Variants in PLEKHA4 observed in about 807,000 individuals in gnomAD.
The protein encoded by PLEKHA4 is pleckstrin homology domain containing A4.
In PLEKHA4, 73 loss-of-function variants were observed where a neutral mutation model predicts 94.7. The observed-to-expected ratio is 0.77, with a 90% CI of 0.64 to 0.94. The LOEUF (loss-of-function observed/expected upper bound fraction) is 0.94. Among genes scored for constraint, PLEKHA4 ranks in the 40% least tolerant of loss-of-function variants. The probability of loss-of-function intolerance (pLI) is 0.00; values close to 1 mark genes in which losing one functional copy is unlikely to be tolerated. For missense variants in PLEKHA4, 1,049 were observed against 1,054.1 expected (o/e 1.00, Z 0.07); for synonymous variants, 449 against 437.1 (o/e 1.03, Z -0.34).
chr19:48,861,760 G>C (rs1046691140), intron 3 of PLEKHA4, 68 bp from the exon 4 acceptor site: 24 of 1,355,866 alleles, frequency 1.8e-5, no homozygotes, highest in Non-Finnish European at 2.2e-5. Flanking sequence ...AGGCAGTGAC[G>C]ATGGGGACAG....
intron 2 of PLEKHA4, among the ~76,000 whole-genome samples, chr19:48,866,107 A>C (rs1438370923): frequency 6.6e-6 from 1 of 151,500 alleles, no homozygotes; most frequent in African/African-American, 2.4e-5. Flanking sequence ...CAGAGTTAAG[A>C]GACTCTTTTT....
chr19:48,856,033 G>A lies in PLEKHA4; in HGVS notation c.1047+1389C>T, dbSNP rs1263234081. 2.6e-5 allele frequency among the ~76,000 whole-genome samples: 4 copies of A among 151,556 alleles called. No individual in the cohort carries two copies. In the South Asian group the frequency reaches 6.2e-4, roughly 24 times the overall value. On this transcript the variant is annotated intron_variant, in intron 9 of 19. Transcript: ENST00000263265. ...ACTAAAAATACAAAATTAGCAGGGC[G>A]TGGTGGTGGGTGCCTGTAATCCCAG...
intron 14 of PLEKHA4, among the ~76,000 whole-genome samples, chr19:48,846,179 C>T (rs920237611): frequency 2.6e-5 from 4 of 151,754 alleles, no homozygotes; most frequent in East Asian, 1.9e-4. Context: ...TAAGGCTGGG[C>T]GCGGTGGCTC....
At chr19:48,841,098 A>G in intron 17 of PLEKHA4, 51 bp downstream of exon 17, 1 of 1,536,242 alleles carries the variant, frequency 6.5e-7, no homozygotes, top group South Asian at 1.2e-5. Flanking sequence ...AAAGTAGGCG[A>G]AGAGGACCTA....
intron 13 of PLEKHA4, among the ~76,000 whole-genome samples, chr19:48,849,491 T>G (rs1568541372): frequency 6.6e-6 from 1 of 152,020 alleles, no homozygotes; most frequent in African/African-American, 2.4e-5. Context: ...CTATTTTTAG[T>G]AGAGACAGGG....
rs139046967 is a variant in PLEKHA4 at position 48,839,257 on chromosome 19, C to T, written c.1912G>A (p.Val638Ile). The T allele has an allele frequency of 5.1e-4, 809 of 1,584,912 alleles. 1 individual carries two copies. The highest frequency in any genetic ancestry group is 1.3e-3 in the Admixed American group (75 of 58,088). Residue 638 changes from valine (V) to isoleucine (I), a missense_variant, in exon 18 of 20, where the codon GTA becomes ATA. By Grantham distance (29) the Val-to-Ile change is conservative. Coordinates refer to ENST00000263265, the MANE Select transcript of PLEKHA4 (RefSeq NM_020904.3). ...RQPDVEQRPV[V>I]GHSGAQKWLR... ...CATTTCTGGGCTCCCGAGTGTCCTA[C>T]GACAGGCTGGAAAGGAATTGGGGCA...
chr19:48,853,541 A>T (rs1278911655), intron 12 of PLEKHA4, 141 bp downstream of exon 12: 2 of 867,320 alleles, frequency 2.3e-6, no homozygotes, highest in Non-Finnish European at 3.2e-6. Context: ...GACAATGAGG[A>T]GAGAGAAAAA....
rs1568545844 is a variant in PLEKHA4, at chr19:48,854,282, A to T, written c.1048-18T>A. ...GGACCCGGCTGAAGAGAAGGAAAAA[A>T]GTCAGGGGTCAAAGGGGACAGGCTG... On this transcript the variant is annotated intron_variant, in intron 9 of 19. Coordinates refer to ENST00000263265, the MANE Select transcript of PLEKHA4 (RefSeq NM_020904.3). 1 of 1,612,886 alleles carries T rather than the reference A, an allele frequency of 6.2e-7. No individual in the cohort carries two copies. Among genetic ancestry groups the T allele is most frequent in the Non-Finnish European group, 8.5e-7 (1 of 1,178,828 alleles).
intron 13 of PLEKHA4, 53 bp downstream of exon 13, chr19:48,852,175 A>G: frequency 7.2e-7 from 1 of 1,386,448 alleles, no homozygotes. Flanking sequence ...AAGGATTTCC[A>G]GGCAGAACTT....
intron 5 of PLEKHA4, among the ~76,000 whole-genome samples, chr19:48,861,156 C>G (rs899899241): frequency 1.3e-5 from 2 of 151,004 alleles, no homozygotes; most frequent in African/African-American, 4.9e-5. Flanking sequence ...TGCAGTGAGC[C>G]GAGATCGCAC....
Position 48,845,572 on chromosome 19 carries a change from C to A in PLEKHA4, c.1611G>T (p.Glu537Asp). The A allele has an allele frequency of 6.2e-7, 1 of 1,610,242 alleles. No homozygotes were observed. The highest frequency in any genetic ancestry group is 8.5e-7 in the Non-Finnish European group (1 of 1,177,752). Residue 537 changes from glutamate (E) to aspartate (D), a missense_variant, in exon 15 of 20, where the codon GAG becomes GAT. Physicochemically the swap from Glu to Asp is conservative, Grantham distance 45. Coordinates refer to ENST00000263265, the MANE Select transcript of PLEKHA4 (RefSeq NM_020904.3). Reference protein sequence around the residue: ...SLELSSPRSPETDWGRPPGGD... With the variant: ...SLELSSPRSPDTDWGRPPGGD... The stretch of plus-strand genomic sequence containing the variant: ...CTCCAGGAGGCCGCCCCCAGTCAGT[C>A]TCGGGGGACCTAGGGGAGCTCAGTT...
Position 48,858,875 on chromosome 19 carries a change from C to T in PLEKHA4, c.957G>A (p.Gln319=). The T allele has an allele frequency of 1.2e-6, 2 of 1,612,708 alleles. No homozygotes were observed. The highest frequency in any genetic ancestry group is 1.7e-6 in the Non-Finnish European group (2 of 1,179,580). ...KPPRSPQHWS[Q]EPRTQAHSGS... is the part of the protein sequence containing the mutation. The stretch of plus-strand genomic sequence containing the variant: ...CTCTGCTCACCTGTGTTCTGGGCTC[C>T]TGACTCCAGTGCTGGGGACTCCTGG... Residue 319 remains glutamine, a synonymous_variant, in exon 8 of 20, where the codon CAG becomes CAA. Transcript: ENST00000263265.
Position 48,837,292 on chromosome 19 carries a change from G to A in PLEKHA4, c.2337C>T (p.Phe779=). 1.2e-6 allele frequency: 2 copies of A among 1,614,016 alleles called. No homozygotes were observed. The highest frequency in any genetic ancestry group is 1.7e-6 in the Non-Finnish European group (2 of 1,180,034). The change falls in exon 20 of 20, where the codon TTC becomes TTT. Residue 779 remains phenylalanine, a synonymous_variant. Transcript: ENST00000263265. This position sits in a 1 kb window ranked among gnomAD's most constrained non-coding sequence, Gnocchi z 4.3. The part of the protein sequence containing the change: ...PLRVTLLQSS[F] ...TTGGCTGCCGCTTTTGGGCGGATTA[G>A]AAGCTGGATTGTAGCAGAGTGACTC...
chr19:48,851,578 T>C (rs767494675), intron 13 of PLEKHA4, among the ~76,000 whole-genome samples: 2 of 151,726 alleles, frequency 1.3e-5, no homozygotes, highest in Non-Finnish European at 2.9e-5. Context: ...ATCGTGCCAT[T>C]GCACTCCAGC....
intron 5 of PLEKHA4, 111 bp downstream of exon 5, chr19:48,861,290 G>C: frequency 1.1e-6 from 1 of 899,018 alleles, no homozygotes; most frequent in Non-Finnish European, 1.9e-6. Context: ...TTTATCTCCA[G>C]TAATGGATAT....
At chr19:48,843,632 C>T (rs542328984) in intron 16 of PLEKHA4, among the ~76,000 whole-genome samples, 3 of 152,022 alleles carry the variant, frequency 2.0e-5, no homozygotes, top group Admixed American at 6.6e-5. Context: ...AGGTGGGCAC[C>T]ACCACGCACA....
chr19:48,848,091 G>T (rs1401266512), intron 13 of PLEKHA4, 51 bp from the exon 14 acceptor site: 1 of 1,581,596 alleles, frequency 6.3e-7, no homozygotes, highest in East Asian at 2.2e-5. Flanking sequence ...ACGCAGGAGG[G>T]TTTCAGCTAA....
At chr19:48,854,357 T>A (rs2036322917) in intron 9 of PLEKHA4, 93 bp from the exon 10 acceptor site, 2 of 1,044,392 alleles carry the variant, frequency 1.9e-6, no homozygotes, top group Non-Finnish European at 3.0e-6. Flanking sequence ...TACTGATAGG[T>A]ACTGCACTAT....
intron 16 of PLEKHA4, chr19:48,844,527 A>G: frequency 2.0e-6 from 2 of 985,362 alleles, no homozygotes; most frequent in Non-Finnish European, 2.4e-6. Flanking sequence ...AAAGCCAGCC[A>G]ATCAGTGATG....
Sources: gnomAD v4.1 joint callset for allele counts (sites outside exome capture counted in the v4.1 genomes callset) on GRCh38, gnomAD v4.1.1 for gene constraint, Gnocchi (gnomAD v3.1) non-coding constraint, MANE v1.5 for transcripts, NCBI Gene and HGNC (gene_info 2026-07-23, HGNC 2026-07-21) for gene names.